Variants in SUCLG2 observed in about 807,000 individuals in gnomAD.
The protein encoded by SUCLG2 is succinate--CoA ligase [GDP-forming] subunit beta, mitochondrial.
In SUCLG2, 42 loss-of-function variants were observed where a neutral mutation model predicts 47.9. That is an observed-to-expected ratio of 0.88 (90% CI 0.69 to 1.14). The LOEUF is 1.14. Ranked by LOEUF, SUCLG2 falls within the 50% of genes most tolerant of loss-of-function variation. The pLI is 0.00. For synonymous variants in SUCLG2, 195 were observed against 197.3 expected (o/e 0.99, Z 0.10); for missense variants, 571 against 525.9 (o/e 1.09, Z -0.84).
At chr3:67,428,817 TA>T (rs1703380101) in intron 9 of SUCLG2, among the ~76,000 whole-genome samples, 1 of 152,130 alleles carries the variant, frequency 6.6e-6, no homozygotes, top group African/African-American at 2.4e-5. Context: ...CAAGCTTCAG[TA>T]GCCGATTTGA....
chr3:67,430,718 G>A (rs1559523514), intron 9 of SUCLG2, among the ~76,000 whole-genome samples: 1 of 151,928 alleles, frequency 6.6e-6, no homozygotes. Flanking sequence ...GATTAATCAA[G>A]AAGAAAAGAG....
intron 2 of SUCLG2, among the ~76,000 whole-genome samples, chr3:67,577,106 G>A (rs1169365335): frequency 5.9e-5 from 9 of 152,088 alleles, no homozygotes; most frequent in African/African-American, 2.2e-4. Flanking sequence ...AGGCTGAGGT[G>A]AGCAGATCAC....
chr3:67,366,109 T>TA (rs1701871409), intron 10 of SUCLG2, among the ~76,000 whole-genome samples: 1 of 152,164 alleles, frequency 6.6e-6, no homozygotes, highest in Admixed American at 6.5e-5. Context: ...GAACATGTGG[T>TA]ATGATCATCA....
intron 9 of SUCLG2, among the ~76,000 whole-genome samples, chr3:67,456,365 C>A (rs1704186321): frequency 6.6e-6 from 1 of 152,176 alleles, no homozygotes; most frequent in Middle Eastern, 3.2e-3. Context: ...AAAATAGGTC[C>A]CTCTATGGAG....
chr3:67,632,203 GAC>G (rs1318099353), intron 1 of SUCLG2, among the ~76,000 whole-genome samples: 8 of 151,784 alleles, frequency 5.3e-5, no homozygotes, highest in Non-Finnish European at 1.0e-4. Flanking sequence ...TTTTTTTTTA[GAC>G]ACAGTTTCAC....
chr3:67,554,394 T>C (rs919477856), intron 2 of SUCLG2, among the ~76,000 whole-genome samples: 7 of 152,176 alleles, frequency 4.6e-5, no homozygotes, highest in Admixed American at 2.0e-4. Flanking sequence ...TGTCATGCAA[T>C]AGAATTCTTT....
At chr3:67,525,998 A>G (rs1286953431) in intron 4 of SUCLG2, among the ~76,000 whole-genome samples, 1 of 152,242 alleles carries the variant, frequency 6.6e-6, no homozygotes, top group Non-Finnish European at 1.5e-5. Context: ...CTGTTACAAA[A>G]TACCTGAGAT....
Position 67,503,896 on chromosome 3 carries a change from T to C in SUCLG2, c.757+4911A>G, listed in dbSNP as rs1482086696. Among the ~76,000 whole-genome samples, 4 of 152,160 alleles carry C rather than the reference T, an allele frequency of 2.6e-5. No homozygotes were observed. In the East Asian group the frequency reaches 7.7e-4, roughly 29 times the overall value. The stretch of plus-strand genomic sequence containing the variant: ...CAACAATCTCGATAGAAAACATGAC[T>C]GGCAGTTAGAGGCCTCTGACCCTAG... On this transcript the variant is annotated intron_variant, in intron 7 of 10. Transcript: ENST00000307227.
intron 9 of SUCLG2, among the ~76,000 whole-genome samples, chr3:67,442,974 TAATCAC>T (rs1296815961): frequency 6.6e-6 from 1 of 152,158 alleles, no homozygotes; most frequent in African/African-American, 2.4e-5. Flanking sequence ...TGGATTCAAC[TAATCAC>T]GGTATAAAAA....
At chr3:67,626,945 C>T (rs1160537656) in intron 1 of SUCLG2, among the ~76,000 whole-genome samples, 2 of 128,130 alleles carry the variant, frequency 1.6e-5, no homozygotes, top group South Asian at 2.5e-4. Flanking sequence ...AAGCATAATA[C>T]ATCAGACAGA....
intron 10 of SUCLG2, among the ~76,000 whole-genome samples, chr3:67,367,817 T>G (rs1222841091): frequency 6.6e-6 from 1 of 152,228 alleles, no homozygotes; most frequent in African/African-American, 2.4e-5. Flanking sequence ...TATTTTAGTT[T>G]ATATTGTTAT....
At chr3:67,612,832 C>T (rs1042387079) in intron 1 of SUCLG2, among the ~76,000 whole-genome samples, 2 of 152,214 alleles carry the variant, frequency 1.3e-5, no homozygotes, top group Non-Finnish European at 2.9e-5. Context: ...TGCTTCTGAC[C>T]AACCAGTTAT....
At chr3:67,464,716 T>G (rs1394709265) in intron 9 of SUCLG2, among the ~76,000 whole-genome samples, 1 of 152,258 alleles carries the variant, frequency 6.6e-6, no homozygotes, top group Non-Finnish European at 1.5e-5. Flanking sequence ...TTATTTGTTT[T>G]TCTCTAAAAG....
intron 9 of SUCLG2, among the ~76,000 whole-genome samples, chr3:67,442,200 C>G (rs9879448): frequency 0.014 from 2,194 of 151,390 alleles, 57 homozygotes; most frequent in African/African-American, 0.051. Flanking sequence ...TTAGTAGAGA[C>G]GGGGTTTCAC....
intron 1 of SUCLG2, among the ~76,000 whole-genome samples, chr3:67,613,984 T>C (rs1700579494): frequency 6.6e-6 from 1 of 152,070 alleles, no homozygotes; most frequent in African/African-American, 2.4e-5. Context: ...ACTCCAGGCT[T>C]TGGGAGGGAG....
At chr3:67,416,897 C>T (rs996873722) in intron 9 of SUCLG2, among the ~76,000 whole-genome samples, 5 of 152,042 alleles carry the variant, frequency 3.3e-5, no homozygotes, top group African/African-American at 4.8e-5. Flanking sequence ...ACAACTGAGA[C>T]AGGTATCCAC....
chr3:67,498,276 C>G lies in SUCLG2; in HGVS notation c.777G>C (p.Lys259Asn). The G allele has an allele frequency of 1.9e-6, 3 of 1,613,072 alleles. No individual in the cohort carries two copies. Among genetic ancestry groups the G allele is most frequent in the Non-Finnish European group, 2.5e-6 (3 of 1,179,738 alleles). ...ATTCTGCGTTGTCATCAAAGTTTAT[C>G]TTGGCATCAAAACAGACAACTAAAT... ...PEGQVVCFDAKINFDDNAEFR... is the reference protein window; with the variant it reads ...PEGQVVCFDANINFDDNAEFR... The change falls in exon 8 of 11, where the codon AAG becomes AAC. Residue 259 changes from lysine (K) to asparagine (N), a missense_variant. Physicochemically the swap from Lys to Asn is moderately conservative, Grantham distance 94. Coordinates refer to ENST00000307227, the MANE Select transcript of SUCLG2 (RefSeq NM_003848.4).
chr3:67,525,959 A>G (rs1458482019), intron 4 of SUCLG2, among the ~76,000 whole-genome samples: 1 of 152,232 alleles, frequency 6.6e-6, no homozygotes, highest in Non-Finnish European at 1.5e-5. Context: ...AAAATGGCCA[A>G]AAGAAATTTG....
At chr3:67,415,499 C>A (rs1242692227) in intron 9 of SUCLG2, among the ~76,000 whole-genome samples, 1 of 152,198 alleles carries the variant, frequency 6.6e-6, no homozygotes, top group South Asian at 2.1e-4. Flanking sequence ...AGATGGCATA[C>A]AGTATAGAGG....
Sources: allele counts gnomAD v4.1 joint callset (sites outside exome capture counted in the v4.1 genomes callset), GRCh38; gene constraint gnomAD v4.1.1; transcripts MANE v1.5; gene names NCBI Gene and HGNC (gene_info 2026-07-23, HGNC 2026-07-21).